DGKI: variants seen among roughly 807,000 people sequenced by gnomAD.
DGKI encodes the protein DAG kinase iota.
In DGKI, 55 loss-of-function variants were observed where a neutral mutation model predicts 147.5. That is an observed-to-expected ratio of 0.37 (90% CI 0.30 to 0.47). The LOEUF is 0.47. Ranked by LOEUF, DGKI falls within the 20% of genes least tolerant of loss-of-function variation. The pLI, the probability that DGKI is intolerant of heterozygous loss-of-function variation, is 1.00. For synonymous variants in DGKI, 469 were observed against 477.1 expected (o/e 0.98, Z 0.22); for missense variants, 1,007 against 1,323.8 (o/e 0.76, Z 3.71).
At chr7:137,679,740 C>T (rs270897) in intron 2 of DGKI, among the ~76,000 whole-genome samples, 65,606 of 151,664 alleles carry the variant, frequency 0.43, 15,408 homozygotes, top group African/African-American at 0.62. Context: ...GTAATCCCAG[C>T]ACTTTGGGAG....
chr7:137,400,158 C>A (rs1811700213), intron 30 of DGKI, among the ~76,000 whole-genome samples: 1 of 152,156 alleles, frequency 6.6e-6, no homozygotes, highest in African/African-American at 2.4e-5. Context: ...TCCTGAGAAA[C>A]AAGCACCTGA....
chr7:137,420,362 T>C (rs550798706), intron 28 of DGKI, among the ~76,000 whole-genome samples: 1 of 152,264 alleles, frequency 6.6e-6, no homozygotes, highest in Admixed American at 6.5e-5. Context: ...GATGAGTGTG[T>C]AGGTGGGAGA....
intron 2 of DGKI, 91 bp from the exon 3 acceptor site, chr7:137,678,743 A>C: frequency 9.0e-7 from 1 of 1,116,876 alleles, no homozygotes; most frequent in South Asian, 1.3e-5. Context: ...CAAGAAAGTT[A>C]GTGAAACCAA....
intron 6 of DGKI, among the ~76,000 whole-genome samples, chr7:137,635,214 G>A (rs879839220): frequency 1.3e-5 from 2 of 152,164 alleles, no homozygotes; most frequent in Non-Finnish European, 2.9e-5. Flanking sequence ...AGTGATGGAT[G>A]CTATATGTGG....
chr7:137,710,792 G>A (rs1794186283), intron 1 of DGKI, among the ~76,000 whole-genome samples: 1 of 151,748 alleles, frequency 6.6e-6, no homozygotes, highest in African/African-American at 2.4e-5. Context: ...AAATTCAATT[G>A]AATTAAATAA....
chr7:137,435,505 G>A (rs1043695785), intron 28 of DGKI, among the ~76,000 whole-genome samples: 1 of 152,106 alleles, frequency 6.6e-6, no homozygotes, highest in African/African-American at 2.4e-5. Flanking sequence ...GAGGTCTAGA[G>A]AGGGTCCCGC....
At chr7:137,569,169 G>A (rs1343891508) in intron 19 of DGKI, among the ~76,000 whole-genome samples, 1 of 152,028 alleles carries the variant, frequency 6.6e-6, no homozygotes, top group African/African-American at 2.4e-5. Flanking sequence ...CAACTTTACA[G>A]GCCAAATAAG....
chr7:137,410,526 A>G (rs1018528529), intron 29 of DGKI, among the ~76,000 whole-genome samples: 5 of 152,254 alleles, frequency 3.3e-5, no homozygotes, highest in Non-Finnish European at 5.9e-5. Flanking sequence ...TGAAATGACA[A>G]AAACCAAATT....
intron 23 of DGKI, among the ~76,000 whole-genome samples, chr7:137,473,310 T>A (rs1026844598): frequency 1.3e-5 from 2 of 152,182 alleles, no homozygotes; most frequent in Non-Finnish European, 2.9e-5. Context: ...ATTACAATTT[T>A]GTTTGGTGAA....
rs536845703 is a variant in DGKI at position 137,455,359 on chromosome 7, A to G, written c.2735+8130T>C. On this transcript the variant is annotated intron_variant, in intron 27 of 32. Transcript: ENST00000614521. ...AAAATATAATGAATGCAGATAAATC[A>G]TAGTAATATTGAAAACAAGAAATTA... Among the ~76,000 whole-genome samples, 4 of 152,316 alleles carry G rather than the reference A, an allele frequency of 2.6e-5. No individual in the cohort carries two copies. In the South Asian group the frequency reaches 6.2e-4, roughly 24 times the overall value.
intron 20 of DGKI, among the ~76,000 whole-genome samples, chr7:137,525,624 A>G (rs1364666224): frequency 1.3e-5 from 2 of 152,174 alleles, no homozygotes; most frequent in Admixed American, 6.6e-5. Context: ...TAAAGTGGAG[A>G]TGATATCAGT....
intron 27 of DGKI, chr7:137,452,843 T>C (rs1404492540): frequency 6.6e-6 from 1 of 152,204 alleles, no homozygotes; most frequent in African/African-American, 2.4e-5. Flanking sequence ...AATCCAGTCT[T>C]TCCTGGATAG....
chr7:137,759,945 A>G (rs1795807934), intron 1 of DGKI, among the ~76,000 whole-genome samples: 1 of 152,214 alleles, frequency 6.6e-6, no homozygotes, highest in Non-Finnish European at 1.5e-5. Flanking sequence ...AAAAAGGCAT[A>G]CTAGTTGTGG....
intron 23 of DGKI, among the ~76,000 whole-genome samples, chr7:137,483,770 G>A (rs957878014): frequency 2.0e-5 from 3 of 152,054 alleles, no homozygotes; most frequent in South Asian, 2.1e-4. Flanking sequence ...TGCAAAGAAC[G>A]TGATCTCATT....
chr7:137,734,508 C>A (rs1282805601), intron 1 of DGKI, among the ~76,000 whole-genome samples: 1 of 151,960 alleles, frequency 6.6e-6, no homozygotes, highest in East Asian at 1.9e-4. Context: ...TAGAGTGCTT[C>A]CACTGGGGAG....
chr7:137,666,946 T>A (rs34495219), intron 3 of DGKI, among the ~76,000 whole-genome samples: 1 of 152,224 alleles, frequency 6.6e-6, no homozygotes, highest in African/African-American at 2.4e-5. Flanking sequence ...AAAATTTGCC[T>A]GCTTCTCTTT....
intron 1 of DGKI, among the ~76,000 whole-genome samples, chr7:137,838,586 C>T (rs1418206923): frequency 6.6e-6 from 1 of 152,034 alleles, no homozygotes; most frequent in African/African-American, 2.4e-5. Context: ...TTAAAATGTA[C>T]TTTGGTCCTT....
intron 13 of DGKI, among the ~76,000 whole-genome samples, chr7:137,586,116 CTCATA>C (rs1387724556): frequency 2.0e-5 from 3 of 152,064 alleles, no homozygotes; most frequent in African/African-American, 7.2e-5. Context: ...ATGTAATGCT[CTCATA>C]TGAGCAGATA....
At chr7:137,686,886 T>G (rs942329908) in intron 2 of DGKI, among the ~76,000 whole-genome samples, 2 of 152,174 alleles carry the variant, frequency 1.3e-5, no homozygotes, top group African/African-American at 4.8e-5. Context: ...CCTTTTGGGA[T>G]TCCACAATAA....
Sources: gnomAD v4.1 joint callset for allele counts (sites outside exome capture counted in the v4.1 genomes callset) on GRCh38, gnomAD v4.1.1 for gene constraint, MANE v1.5 for transcripts, NCBI Gene and HGNC (gene_info 2026-07-23, HGNC 2026-07-21) for gene names.